The following TBC1D22A variants were observed in gnomAD, a reference collection of about 807,000 sequenced individuals.
TBC1D22A encodes putative GTPase activator.
In TBC1D22A, 38 loss-of-function variants were observed where a neutral mutation model predicts 60.2. That is an observed-to-expected ratio of 0.63 (90% CI 0.49 to 0.83). The LOEUF (loss-of-function observed/expected upper bound fraction) is 0.83. Ranked by LOEUF, TBC1D22A falls within the 40% of genes least tolerant of loss-of-function variation. The pLI, the probability that TBC1D22A is intolerant of heterozygous loss-of-function variation, is 0.00. For missense variants in TBC1D22A, 628 were observed against 701.0 expected, an observed-to-expected ratio of 0.90 and a Z score of 1.18; for synonymous variants, 302 against 281.7, an observed-to-expected ratio of 1.07 and a Z score of -0.72.
chr22:47,116,695 C>T lies in TBC1D22A; in HGVS notation c.1425+5092C>T, dbSNP rs1182685012. 4.6e-5 allele frequency: 7 copies of T among 152,314 alleles called. 1 individual carries two copies. Among genetic ancestry groups the T allele is most frequent in the African/African-American group, 1.7e-4 (7 of 41,436 alleles). The allele number at this position is 152,314 out of a possible 1,614,324, so 9.4% of individuals were successfully genotyped here. A position where few individuals can be genotyped will look rare whatever the true frequency, so the allele number is the denominator to read the frequency against. On this transcript the variant is annotated intron_variant, in intron 12 of 12. Coordinates refer to ENST00000337137, the MANE Select transcript of TBC1D22A (RefSeq NM_014346.5). ...TGGGAAGGACCAGCAGGTGCCAGCC[C>T]GAGCTGCCCAGCCTGGGAGCCTTCA...
Position 46,846,392 on chromosome 22 carries a change from G to T in TBC1D22A, c.638-32261G>T, listed in dbSNP as rs2086995188. 2.0e-5 allele frequency among the ~76,000 whole-genome samples: 3 copies of T among 152,166 alleles called. No homozygotes were observed. In the South Asian group the frequency reaches 6.2e-4, roughly 32 times the overall value. ...TCTTTGAAGAGCTACCCTGCAAGCA[G>T]TGTTGAGGTCAGAGGAGACAGTTCA... On this transcript the variant is annotated intron_variant, in intron 4 of 12. Transcript: ENST00000337137.
At chr22:46,863,025 C>T (rs749993944) in intron 4 of TBC1D22A, among the ~76,000 whole-genome samples, 66 of 152,324 alleles carry the variant, frequency 4.3e-4, no homozygotes, top group Admixed American at 8.5e-4. Flanking sequence ...CCATAGTCTG[C>T]GCAGGGTAAG....
rs370326132 is a variant in TBC1D22A, at chr22:47,114,912, C to T, written c.1425+3309C>T. On this transcript the variant is annotated intron_variant, in intron 12 of 12. Coordinates refer to ENST00000337137, the MANE Select transcript of TBC1D22A (RefSeq NM_014346.5). ...CTTGGGCAGGCGGGGAAGGTGAGGG[C>T]GCTGCCTGTGTCCTAGGTCCCCTTG... Among the ~76,000 whole-genome samples the T allele has an allele frequency of 7.9e-5, 12 of 152,220 alleles. No individual in the cohort carries two copies. The East Asian group carries it at 1.7e-3, about 22-fold the overall frequency.
chr22:47,149,230 C>G (rs913376707), intron 12 of TBC1D22A, among the ~76,000 whole-genome samples: 2 of 152,180 alleles, frequency 1.3e-5, no homozygotes, highest in Non-Finnish European at 2.9e-5. Flanking sequence ...GGGGGACAGG[C>G]TCTGCTGGCC....
At chr22:46,774,246 T>A in intron 1 of TBC1D22A, 1 of 985,584 alleles carries the variant, frequency 1.0e-6, no homozygotes, top group East Asian at 1.1e-4. Context: ...GTGAGCAGCT[T>A]GTTCTAGGTC....
intron 12 of TBC1D22A, 29 bp from the exon 13 acceptor site, chr22:47,173,469 C>G (rs1569483119): frequency 3.7e-6 from 6 of 1,612,322 alleles, no homozygotes; most frequent in Non-Finnish European, 5.1e-6. Context: ...GTCACCTCCT[C>G]TGACCTGGGC....
chr22:46,818,001 A>G (rs1047025290), intron 4 of TBC1D22A, among the ~76,000 whole-genome samples: 1 of 152,190 alleles, frequency 6.6e-6, no homozygotes, highest in Non-Finnish European at 1.5e-5. Context: ...CATTTATCTG[A>G]TGATCAGTGA....
chr22:47,052,524 CACA>C (rs367969140), intron 11 of TBC1D22A, among the ~76,000 whole-genome samples: 3 of 152,324 alleles, frequency 2.0e-5, no homozygotes, highest in Non-Finnish European at 4.4e-5. Context: ...GAGACCCTCC[CACA>C]GTGGGGAGGG....
At chr22:47,144,465 C>T (rs1010343361) in intron 12 of TBC1D22A, among the ~76,000 whole-genome samples, 3 of 152,342 alleles carry the variant, frequency 2.0e-5, no homozygotes, top group Non-Finnish European at 2.9e-5. Flanking sequence ...GGCCTTGGGT[C>T]GCCACGCAAG....
intron 10 of TBC1D22A, among the ~76,000 whole-genome samples, chr22:47,015,734 C>G (rs1297341983): frequency 6.6e-6 from 1 of 152,230 alleles, no homozygotes; most frequent in Non-Finnish European, 1.5e-5. Context: ...TCCCTGGCCA[C>G]CAGCCGCCTC....
At chr22:46,897,589 C>T (rs1186795436) in intron 7 of TBC1D22A, among the ~76,000 whole-genome samples, 1 of 148,628 alleles carries the variant, frequency 6.7e-6, no homozygotes, top group African/African-American at 2.5e-5. Flanking sequence ...GCCTCTGGTC[C>T]TTTTGTTACC....
rs547022393 is a variant in TBC1D22A at position 46,890,069 on chromosome 22, G to A, written c.709-1197G>A. Among the ~76,000 whole-genome samples the A allele has an allele frequency of 2.0e-5, 3 of 152,302 alleles. 1 individual carries two copies. The highest frequency in any genetic ancestry group is 7.2e-5 in the African/African-American group (3 of 41,558). ...CGAAAATATTTGGGAAAAAAAGGCC[G>A]GCACGGTGGCCCACGCCTGTAATCC... On this transcript the variant is annotated intron_variant, in intron 5 of 12. Transcript: ENST00000337137.
At chr22:46,775,010 A>T (rs887846688) in intron 1 of TBC1D22A, among the ~76,000 whole-genome samples, 1 of 152,270 alleles carries the variant, frequency 6.6e-6, no homozygotes, top group Non-Finnish European at 1.5e-5. Context: ...CTAAAAAATA[A>T]AATAGGCTTG....
At chr22:47,006,978 A>G (rs1437644662) in intron 10 of TBC1D22A, among the ~76,000 whole-genome samples, 1 of 152,096 alleles carries the variant, frequency 6.6e-6, no homozygotes, top group South Asian at 2.1e-4. Flanking sequence ...GGAGCTGGGG[A>G]CAATAACGCA....
intron 10 of TBC1D22A, among the ~76,000 whole-genome samples, chr22:47,010,537 G>C (rs1276567119): frequency 6.6e-6 from 1 of 152,186 alleles, no homozygotes; most frequent in African/African-American, 2.4e-5. Context: ...CTGTGCTCCT[G>C]GTTTCCTGGT....
intron 12 of TBC1D22A, among the ~76,000 whole-genome samples, chr22:47,150,304 C>T (rs1399148540): frequency 6.6e-6 from 1 of 152,152 alleles, no homozygotes; most frequent in African/African-American, 2.4e-5. Context: ...GGGCGGCCCT[C>T]CTGGCTGCAC....
chr22:46,916,345 G>T (rs988821407), intron 8 of TBC1D22A, among the ~76,000 whole-genome samples: 8 of 152,200 alleles, frequency 5.3e-5, no homozygotes, highest in African/African-American at 9.7e-5. Flanking sequence ...GTGGGTTAGG[G>T]TTCGATGGGT....
chr22:46,785,207 T>TG (rs2084106859), intron 1 of TBC1D22A, among the ~76,000 whole-genome samples: 2 of 152,138 alleles, frequency 1.3e-5, no homozygotes, highest in Non-Finnish European at 1.5e-5. Flanking sequence ...ACTCGAGGGC[T>TG]GGGGCTGGAA....
intron 9 of TBC1D22A, among the ~76,000 whole-genome samples, chr22:46,989,188 A>G (rs985530341): frequency 1.1e-4 from 17 of 152,354 alleles, no homozygotes; most frequent in African/African-American, 3.6e-4. Flanking sequence ...GCTTTGGCTT[A>G]GGAGAATGTG....
Sources: allele counts gnomAD v4.1 joint callset (sites outside exome capture counted in the v4.1 genomes callset), GRCh38; gene constraint gnomAD v4.1.1; transcripts MANE v1.5; gene names NCBI Gene and HGNC (gene_info 2026-07-23, HGNC 2026-07-21).